Variants in RANBP17 observed in about 807,000 individuals in gnomAD.
RANBP17 encodes RAN binding protein 17.
In RANBP17, 158 loss-of-function variants were observed where a neutral mutation model predicts 141.2. That is an observed-to-expected ratio of 1.12 (90% CI 0.98 to 1.28). RANBP17 has a LOEUF of 1.28. Among genes scored for constraint, RANBP17 ranks in the 50% most tolerant of loss-of-function variants. RANBP17 has a pLI of 0.00. For missense variants in RANBP17, 1,438 were observed against 1,290.7 expected (o/e 1.11, Z -1.75); for synonymous variants, 430 against 450.0 (o/e 0.96, Z 0.56).
intron 12 of RANBP17, among the ~76,000 whole-genome samples, chr5:170,951,964 T>G (rs1775246312): frequency 6.6e-6 from 1 of 151,972 alleles, no homozygotes; most frequent in African/African-American, 2.4e-5. Flanking sequence ...TTTGTTAGTG[T>G]TGTTGATGAT....
At chr5:171,056,843 C>G (rs1783416247) in intron 14 of RANBP17, among the ~76,000 whole-genome samples, 1 of 152,070 alleles carries the variant, frequency 6.6e-6, no homozygotes, top group African/African-American at 2.4e-5. Flanking sequence ...AAGCCAAAAA[C>G]CTTTACTCAT....
chr5:171,268,323 G>GGATATCA (rs1766868689), intron 25 of RANBP17, among the ~76,000 whole-genome samples: 1 of 152,092 alleles, frequency 6.6e-6, no homozygotes, highest in Non-Finnish European at 1.5e-5. Flanking sequence ...CCTGAAAAAT[G>GGATATCA]GATATCAGCA....
intron 4 of RANBP17, among the ~76,000 whole-genome samples, chr5:170,893,022 T>C (rs1216551703): frequency 3.9e-5 from 6 of 152,166 alleles, no homozygotes; most frequent in Non-Finnish European, 8.8e-5. Flanking sequence ...AATTTTTTAA[T>C]TTTTTAATTT....
At position 170,995,977 on chromosome 5, in the gene RANBP17, G is replaced by C. The variant is rs1397697531; in HGVS notation, c.1710+27600G>C. Among the ~76,000 whole-genome samples, 5 of 151,998 alleles carry C rather than the reference G, an allele frequency of 3.3e-5. No homozygotes were observed. The East Asian group carries it at 9.7e-4, about 29-fold the overall frequency. ...GGATTTTCAGGCTGCAGTGTGCTAT[G>C]ATCACACCTGAGAATAGCCACTGCA... On this transcript the variant is annotated intron_variant, in intron 14 of 27. Coordinates refer to ENST00000523189, the MANE Select transcript of RANBP17 (RefSeq NM_022897.5).
intron 14 of RANBP17, among the ~76,000 whole-genome samples, chr5:171,094,466 T>C (rs895570380): frequency 6.6e-6 from 1 of 152,212 alleles, no homozygotes; most frequent in Non-Finnish European, 1.5e-5. Context: ...TTCTCATTAT[T>C]ATCATTGTTA....
intron 14 of RANBP17, among the ~76,000 whole-genome samples, chr5:171,113,232 TA>T (rs1236176625): frequency 6.6e-6 from 1 of 152,222 alleles, no homozygotes; most frequent in Non-Finnish European, 1.5e-5. Context: ...CCCTGCCTAC[TA>T]AACTACCAAT....
At chr5:171,034,149 A>G (rs1781724589) in intron 14 of RANBP17, among the ~76,000 whole-genome samples, 1 of 152,168 alleles carries the variant, frequency 6.6e-6, no homozygotes, top group African/African-American at 2.4e-5. Flanking sequence ...ATCAAATAAT[A>G]TAAAATGAAA....
intron 14 of RANBP17, among the ~76,000 whole-genome samples, chr5:171,069,850 TA>T (rs1381516899): frequency 6.6e-6 from 1 of 152,100 alleles, no homozygotes; most frequent in Non-Finnish European, 1.5e-5. Context: ...AATACAGTGA[TA>T]GGATGACAAG....
At chr5:170,985,732 A>G (rs1329310206) in intron 14 of RANBP17, among the ~76,000 whole-genome samples, 1 of 152,188 alleles carries the variant, frequency 6.6e-6, no homozygotes, top group Non-Finnish European at 1.5e-5. Context: ...ATGCTATTGT[A>G]TAAATGAATT....
intron 14 of RANBP17, among the ~76,000 whole-genome samples, chr5:171,068,244 C>T (rs1784425295): frequency 1.3e-5 from 2 of 152,032 alleles, no homozygotes; most frequent in South Asian, 4.1e-4. Context: ...TCCAGAATTC[C>T]TGCTTGGTTA....
chr5:171,026,587 A>T (rs2127611569), intron 14 of RANBP17, among the ~76,000 whole-genome samples: 1 of 152,330 alleles, frequency 6.6e-6, no homozygotes, highest in South Asian at 2.1e-4. Flanking sequence ...TATTCACACA[A>T]TGATTGTAGA....
intron 14 of RANBP17, among the ~76,000 whole-genome samples, chr5:171,084,073 C>G (rs1273780864): frequency 6.7e-6 from 1 of 149,290 alleles, no homozygotes; most frequent in African/African-American, 2.5e-5. Context: ...AACTCGTCAT[C>G]TAGCATTAGG....
chr5:171,156,911 T>C (rs1407442230), intron 14 of RANBP17, among the ~76,000 whole-genome samples: 2 of 152,160 alleles, frequency 1.3e-5, no homozygotes, highest in African/African-American at 4.8e-5. Context: ...TTCCCTATGA[T>C]CATCAAGGGA....
chr5:170,867,376 T>G lies in RANBP17; in HGVS notation c.18+5325T>G, dbSNP rs576168901. 1.5e-3 allele frequency among the ~76,000 whole-genome samples: 225 copies of G among 152,306 alleles called. 7 individuals are homozygous for G. Among genetic ancestry groups the G allele is most frequent in the Admixed American group, 0.015 (224 of 15,294 alleles). On this transcript the variant is annotated intron_variant, in intron 1 of 27. Transcript: ENST00000523189. ...AAAATACATACTTCACAAGAGCCTA[T>G]TTTTCAGGATTGGTTTGAAAAAAAG...
intron 25 of RANBP17, among the ~76,000 whole-genome samples, chr5:171,280,652 G>A (rs760114742): frequency 7.9e-5 from 12 of 152,194 alleles, no homozygotes; most frequent in Non-Finnish European, 1.8e-4. Flanking sequence ...AAGACTCCTT[G>A]TTTGTCTGTA....
At chr5:171,056,531 A>G (rs1273645929) in intron 14 of RANBP17, among the ~76,000 whole-genome samples, 4 of 152,172 alleles carry the variant, frequency 2.6e-5, no homozygotes, top group Non-Finnish European at 4.4e-5. Context: ...GTAATTTTGG[A>G]ACAGATACCA....
At chr5:171,063,382 A>T (rs2127677184) in intron 14 of RANBP17, among the ~76,000 whole-genome samples, 1 of 152,380 alleles carries the variant, frequency 6.6e-6, no homozygotes, top group South Asian at 2.1e-4. Flanking sequence ...TCTAACAGAC[A>T]GGACCCTCAG....
At chr5:171,292,673 G>A (rs1768564326) in intron 25 of RANBP17, among the ~76,000 whole-genome samples, 1 of 152,202 alleles carries the variant, frequency 6.6e-6, no homozygotes. Flanking sequence ...AGAGCTTAGA[G>A]GTAGGAGGTA....
At chr5:171,255,948 T>C (rs1274604420) in intron 24 of RANBP17, among the ~76,000 whole-genome samples, 1 of 152,202 alleles carries the variant, frequency 6.6e-6, no homozygotes, top group East Asian at 1.9e-4. Flanking sequence ...GGCTTCTGTC[T>C]TGGAAATTTT....
Sources: allele counts gnomAD v4.1 joint callset (sites outside exome capture counted in the v4.1 genomes callset), GRCh38; gene constraint gnomAD v4.1.1; transcripts MANE v1.5; gene names NCBI Gene and HGNC (gene_info 2026-07-23, HGNC 2026-07-21).